SMOC2: variants seen among roughly 807,000 people sequenced by gnomAD.
SMOC2 encodes SPARC-related modular calcium-binding protein 2.
Under a neutral mutation model 61.4 loss-of-function variants are expected in SMOC2, and 39 were observed. The ratio of observed to expected loss-of-function variants is 0.64; its 90% CI spans 0.49 to 0.83. The LOEUF is 0.83. SMOC2 is among the 40% of genes least tolerant of loss of function. The pLI is 0.00. For synonymous variants in SMOC2, 247 were observed against 239.9 expected, an observed-to-expected ratio of 1.03 and a Z score of -0.27; for missense variants, 556 against 592.9, an observed-to-expected ratio of 0.94 and a Z score of 0.65.
rs1009618883 is a variant in SMOC2 at position 168,465,302 on chromosome 6, C to T, written c.84+23848C>T. On this transcript the variant is annotated intron_variant, in intron 1 of 12. Coordinates refer to ENST00000356284, the MANE Select transcript of SMOC2 (RefSeq NM_001166412.2). The stretch of plus-strand genomic sequence containing the variant: ...TTTAAACCCTTGGTTATAGATAGAA[C>T]GTTGTCCTTTACACTTAAGCTCTAC... Among the ~76,000 whole-genome samples the T allele has an allele frequency of 3.9e-5, 6 of 152,188 alleles. No homozygotes were observed. In the East Asian group the frequency reaches 9.6e-4, roughly 24 times the overall value.
chr6:168,583,523 G>A (rs954888053), intron 7 of SMOC2, among the ~76,000 whole-genome samples: 1 of 152,200 alleles, frequency 6.6e-6, no homozygotes, highest in East Asian at 1.9e-4. Flanking sequence ...AGGCTCTGCT[G>A]GGGGTTCCAG....
chr6:168,500,814 C>T (rs1782709977), intron 1 of SMOC2, among the ~76,000 whole-genome samples: 1 of 152,174 alleles, frequency 6.6e-6, no homozygotes, highest in African/African-American at 2.4e-5. Flanking sequence ...AGGACGCACA[C>T]GAGTGCTTCA....
chr6:168,443,919 A>G (rs1286530161), intron 1 of SMOC2, among the ~76,000 whole-genome samples: 1 of 152,174 alleles, frequency 6.6e-6, no homozygotes, highest in East Asian at 1.9e-4. Flanking sequence ...GAGAATACAT[A>G]ATCTCTTTCA....
At chr6:168,513,105 A>G (rs1297039878) in intron 2 of SMOC2, among the ~76,000 whole-genome samples, 1 of 152,254 alleles carries the variant, frequency 6.6e-6, no homozygotes, top group Non-Finnish European at 1.5e-5. Context: ...TGTATGCACT[A>G]TTTACATTAA....
chr6:168,518,732 CAT>C (rs772126705), intron 2 of SMOC2, among the ~76,000 whole-genome samples: 67 of 145,342 alleles, frequency 4.6e-4, no homozygotes, highest in Middle Eastern at 4.3e-3. Context: ...TGTGAGTGTG[CAT>C]GTGTGTGAAT....
At chr6:168,465,285 C>A (rs1056447621) in intron 1 of SMOC2, among the ~76,000 whole-genome samples, 1 of 152,044 alleles carries the variant, frequency 6.6e-6, no homozygotes, top group Non-Finnish European at 1.5e-5. Flanking sequence ...CTTTTAAACC[C>A]TTGGTTATAG....
chr6:168,625,466 T>C (rs1427924532), intron 9 of SMOC2, among the ~76,000 whole-genome samples: 1 of 152,230 alleles, frequency 6.6e-6, no homozygotes, highest in Admixed American at 6.5e-5. Context: ...TCAGCTCAAA[T>C]GCCCCGCATG....
chr6:168,615,880 C>T (rs988937162), intron 9 of SMOC2, among the ~76,000 whole-genome samples: 1 of 145,122 alleles, frequency 6.9e-6, no homozygotes, highest in Admixed American at 6.9e-5. Flanking sequence ...ACGATTTTAG[C>T]ACTATTCTAA....
chr6:168,642,055 T>C (rs1247348257), intron 9 of SMOC2, among the ~76,000 whole-genome samples: 2 of 152,244 alleles, frequency 1.3e-5, no homozygotes, highest in Non-Finnish European at 2.9e-5. Context: ...GTGTCTTTTT[T>C]AAAGTATGAA....
intron 7 of SMOC2, among the ~76,000 whole-genome samples, chr6:168,569,225 A>G (rs1183084419): frequency 1.3e-5 from 2 of 152,154 alleles, no homozygotes; most frequent in African/African-American, 4.8e-5. Flanking sequence ...TAGGAATTCT[A>G]ATAGGTTTGC....
At chr6:168,575,556 G>C (rs1053252410) in intron 7 of SMOC2, among the ~76,000 whole-genome samples, 1 of 152,144 alleles carries the variant, frequency 6.6e-6, no homozygotes, top group Admixed American at 6.5e-5. Context: ...CTCCTCGCAG[G>C]GGGTGGGTAT....
rs368463270 is a variant in SMOC2, at chr6:168,646,393, T to G, written c.908-4288T>G. Among the ~76,000 whole-genome samples the G allele has an allele frequency of 5.9e-5, 9 of 152,324 alleles. No homozygotes were observed. In the East Asian group the frequency reaches 1.5e-3, roughly 26 times the overall value. On this transcript the variant is annotated intron_variant, in intron 9 of 12. Coordinates refer to ENST00000356284, the MANE Select transcript of SMOC2 (RefSeq NM_001166412.2). ...GTTTGAGTTCCTTCAGGGGCAGTAC[T>G]GGGTGTTCCAGGTTACGGGAAGGAA...
At chr6:168,627,089 C>T in intron 9 of SMOC2, among the ~76,000 whole-genome samples, 1 of 152,190 alleles carries the variant, frequency 6.6e-6, no homozygotes, top group African/African-American at 2.4e-5. Flanking sequence ...AAATCTAGCC[C>T]AAGAAAAATA....
intron 8 of SMOC2, among the ~76,000 whole-genome samples, chr6:168,603,717 A>C (rs1389987410): frequency 2.4e-5 from 3 of 127,430 alleles, no homozygotes; most frequent in Non-Finnish European, 5.5e-5. Context: ...GGAGGAAAAA[A>C]AAAAAAACCA....
At chr6:168,528,927 T>C (rs1189124846) in intron 4 of SMOC2, among the ~76,000 whole-genome samples, 2 of 152,220 alleles carry the variant, frequency 1.3e-5, no homozygotes, top group Non-Finnish European at 2.9e-5. Flanking sequence ...ACACTTTCAC[T>C]TCCTATTTCC....
At chr6:168,507,343 TG>T (rs1782896403) in intron 1 of SMOC2, among the ~76,000 whole-genome samples, 1 of 152,222 alleles carries the variant, frequency 6.6e-6, no homozygotes, top group South Asian at 2.1e-4. Flanking sequence ...CGAAGGCACC[TG>T]GGGCTCCTAC....
At chr6:168,556,515 G>C (rs1336512676) in intron 7 of SMOC2, among the ~76,000 whole-genome samples, 3 of 152,044 alleles carry the variant, frequency 2.0e-5, no homozygotes, top group Non-Finnish European at 4.4e-5. Flanking sequence ...GCGGGCGCTG[G>C]AGGCGTCTGT....
chr6:168,462,924 TC>T (rs1423641305), intron 1 of SMOC2, among the ~76,000 whole-genome samples: 4 of 152,182 alleles, frequency 2.6e-5, no homozygotes, highest in African/African-American at 9.7e-5. Context: ...GAGCTGACAT[TC>T]CTGTAGTTTC....
At chr6:168,557,243 T>C (rs938873271) in intron 7 of SMOC2, among the ~76,000 whole-genome samples, 1 of 152,186 alleles carries the variant, frequency 6.6e-6, no homozygotes. Flanking sequence ...TAATTTTTGG[T>C]CATTTGAAGA....
Sources: allele counts gnomAD v4.1 joint callset (sites outside exome capture counted in the v4.1 genomes callset), GRCh38; gene constraint gnomAD v4.1.1; transcripts MANE v1.5; gene names NCBI Gene and HGNC (gene_info 2026-07-23, HGNC 2026-07-21).